Variants in AOPEP observed in about 807,000 individuals in gnomAD.
AOPEP encodes the protein aminopeptidase O.
A neutral mutation model predicts 98.1 loss-of-function variants in AOPEP; 77 were observed. That is an observed-to-expected ratio of 0.78 (90% CI 0.65 to 0.95). The LOEUF is 0.95. AOPEP is among the 40% of genes least tolerant of loss of function. The pLI is 0.00. For synonymous variants in AOPEP, 346 were observed against 365.3 expected, an observed-to-expected ratio of 0.95 and a Z score of 0.60; for missense variants, 1,024 against 1,024.7, an observed-to-expected ratio of 1.00 and a Z score of 0.01.
the AOPEP span, among the ~76,000 whole-genome samples, chr9:95,092,810 TGA>T: frequency 6.6e-6 from 1 of 152,170 alleles, no homozygotes; most frequent in Non-Finnish European, 1.5e-5. Context: ...GTGCGTTTCC[TGA>T]CGACTGGATC....
At chr9:95,012,274 CG>C in intron 13 of AOPEP, among the ~76,000 whole-genome samples, 1 of 152,190 alleles carries the variant, frequency 6.6e-6, no homozygotes, top group East Asian at 1.9e-4. Context: ...AAATCCCAGC[CG>C]GGATGTATTT....
chr9:95,089,849 C>A (rs377293562), downstream of AOPEP, among the ~76,000 whole-genome samples: 94 of 152,364 alleles, frequency 6.2e-4, no homozygotes, highest in East Asian at 0.013. Context: ...TAGCTCCCCC[C>A]ACCCTGCAAC....
At chr9:94,826,334 C>T (rs768178387) in intron 5 of AOPEP, among the ~76,000 whole-genome samples, 22 of 152,184 alleles carry the variant, frequency 1.4e-4, no homozygotes, top group Non-Finnish European at 2.1e-4. Context: ...TCCTCTTCCC[C>T]GCAGCCCTGT....
chr9:94,986,630 A>G (rs1305230642), intron 11 of AOPEP, among the ~76,000 whole-genome samples: 1 of 152,134 alleles, frequency 6.6e-6, no homozygotes, highest in East Asian at 1.9e-4. Flanking sequence ...CATGCGAGAG[A>G]AATAAATGTG....
intron 5 of AOPEP, among the ~76,000 whole-genome samples, chr9:94,850,762 A>G: frequency 6.6e-6 from 1 of 152,208 alleles, no homozygotes; most frequent in East Asian, 1.9e-4. Flanking sequence ...GTCTGTGTGA[A>G]AGCAAATCTG....
chr9:94,976,229 A>G (rs2059830504), intron 10 of AOPEP, among the ~76,000 whole-genome samples: 1 of 152,124 alleles, frequency 6.6e-6, no homozygotes, highest in South Asian at 2.1e-4. Flanking sequence ...CATCCAGCGA[A>G]TGTTTGCCAC....
chr9:95,055,690 G>A (rs993278132), intron 13 of AOPEP, among the ~76,000 whole-genome samples: 1 of 152,144 alleles, frequency 6.6e-6, no homozygotes, highest in African/African-American at 2.4e-5. Flanking sequence ...TCAGCCTTTG[G>A]GGGAACTTGA....
At chr9:94,809,910 A>G (rs115476220) in intron 5 of AOPEP, 1,669 of 155,884 alleles carry the variant, frequency 0.011, 35 homozygotes, top group African/African-American at 0.038. Flanking sequence ...GACTCAGTGA[A>G]TTGAGCCGCA....
chr9:94,821,897 A>G (rs1466708789), intron 5 of AOPEP, among the ~76,000 whole-genome samples: 2 of 151,562 alleles, frequency 1.3e-5, no homozygotes, highest in Admixed American at 6.6e-5. Context: ...TTTTTTTTGT[A>G]TTTCTAAAAG....
chr9:95,129,146 A>C, the AOPEP span, among the ~76,000 whole-genome samples: 1 of 152,024 alleles, frequency 6.6e-6, no homozygotes, highest in Non-Finnish European at 1.5e-5. Flanking sequence ...CACTGAAAAA[A>C]AAGAAAACCA....
chr9:95,027,706 T>C (rs1454193056), intron 13 of AOPEP, among the ~76,000 whole-genome samples: 1 of 152,246 alleles, frequency 6.6e-6, no homozygotes, highest in South Asian at 2.1e-4. Context: ...AGTATCTGTA[T>C]GAATCTAGGC....
downstream of AOPEP, among the ~76,000 whole-genome samples, chr9:95,087,509 AG>A (rs2070792788): frequency 2.1e-5 from 3 of 141,352 alleles, no homozygotes; most frequent in South Asian, 2.3e-4. Flanking sequence ...AAAAAAAAAA[AG>A]CACGTACAAG....
the AOPEP span, chr9:95,109,892 C>A: frequency 6.6e-6 from 1 of 152,208 alleles, no homozygotes; most frequent in Non-Finnish European, 1.5e-5. Flanking sequence ...CTCACAAAAC[C>A]CAGGAAAACA....
chr9:95,095,517 T>G, the AOPEP span, among the ~76,000 whole-genome samples: 1 of 152,184 alleles, frequency 6.6e-6, no homozygotes, highest in African/African-American at 2.4e-5. Flanking sequence ...CTGCAAATAC[T>G]TCTTCTTCCC....
chr9:94,729,671 T>C (rs1287663724), intron 1 of AOPEP, among the ~76,000 whole-genome samples: 14 of 152,104 alleles, frequency 9.2e-5, no homozygotes, highest in Non-Finnish European at 1.5e-5. Context: ...GGCTGTCCTG[T>C]GCATTGTAGG....
At chr9:94,745,893 G>T (rs949734799) in intron 1 of AOPEP, among the ~76,000 whole-genome samples, 2 of 152,180 alleles carry the variant, frequency 1.3e-5, no homozygotes, top group Admixed American at 6.5e-5. Context: ...CTAGCAGTGG[G>T]ATTGATGGAA....
At chr9:95,126,142 T>A in the AOPEP span, among the ~76,000 whole-genome samples, 1 of 152,374 alleles carries the variant, frequency 6.6e-6, no homozygotes. Flanking sequence ...TTTCTTGGCT[T>A]TCTTTAGCTT....
At chr9:94,821,976 C>CAT (rs1853285043) in intron 5 of AOPEP, among the ~76,000 whole-genome samples, 1 of 97,928 alleles carries the variant, frequency 1.0e-5, no homozygotes, top group Admixed American at 1.0e-4. Context: ...TGTAAACACA[C>CAT]ACACACACAC....
the AOPEP span, among the ~76,000 whole-genome samples, chr9:95,137,552 CCTCAGATGAAA>C: frequency 6.6e-6 from 1 of 152,154 alleles, no homozygotes; most frequent in Non-Finnish European, 1.5e-5. Context: ...CATGCCATTT[CCTCAGATGAAA>C]AGAAGAGAAG....
Sources: gnomAD v4.1 joint callset for allele counts (sites outside exome capture counted in the v4.1 genomes callset) on GRCh38, gnomAD v4.1.1 for gene constraint, MANE v1.5 for transcripts, NCBI Gene and HGNC (gene_info 2026-07-23, HGNC 2026-07-21) for gene names.